Variants in DPP6 observed in about 807,000 individuals in gnomAD.
DPP6 encodes the protein dipeptidyl peptidase like 6.
Under a neutral mutation model 122.6 loss-of-function variants are expected in DPP6, and 69 were observed. The observed-to-expected ratio is 0.56, with a 90% CI of 0.46 to 0.69. The LOEUF is 0.69. Among genes scored for constraint, DPP6 ranks in the 30% least tolerant of loss-of-function variants. The pLI, the probability that DPP6 is intolerant of heterozygous loss-of-function variation, is 0.00. For missense variants in DPP6, 928 were observed against 1,116.9 expected (o/e 0.83, Z 2.41); for synonymous variants, 418 against 433.1 (o/e 0.97, Z 0.43).
the DPP6 span, among the ~76,000 whole-genome samples, chr7:153,857,859 T>C: frequency 6.6e-6 from 1 of 152,338 alleles, no homozygotes; most frequent in Admixed American, 6.5e-5. Context: ...TGTGATTATT[T>C]GGATATGATC....
rs540004250 is a variant in DPP6 at position 154,445,776 on chromosome 7, G to A, written c.244-438G>A. Among the ~76,000 whole-genome samples the A allele has an allele frequency of 5.6e-4, 24 of 42,498 alleles. No individual in the cohort carries two copies. The East Asian group carries it at 0.024, about 42-fold the overall frequency. The allele number at this position is 42,498 out of a possible 152,430, so 27.9% of individuals were successfully genotyped here. A position where few individuals can be genotyped will look rare whatever the true frequency, so the allele number is the denominator to read the frequency against. On this transcript the variant is annotated intron_variant, in intron 1 of 25. Transcript: ENST00000377770. ...TGAAATAGAAGTTGATCACATGGATGTAAAAAAAAAAAAAGGGAATGATGA... is the reference window on the plus strand; with the variant it reads ...TGAAATAGAAGTTGATCACATGGATATAAAAAAAAAAAAAGGGAATGATGA...
intron 1 of DPP6, among the ~76,000 whole-genome samples, chr7:153,939,677 G>A (rs1274774685): frequency 6.6e-6 from 1 of 152,324 alleles, no homozygotes; most frequent in Non-Finnish European, 1.5e-5. Flanking sequence ...ATAAGAAGGT[G>A]AATAAGACAG....
intron 1 of DPP6, among the ~76,000 whole-genome samples, chr7:154,113,412 T>TAC (rs60229672): frequency 2.9e-4 from 41 of 141,428 alleles, no homozygotes; most frequent in Admixed American, 1.0e-3. Context: ...TATATATATA[T>TAC]ACACACACAC....
rs1814463238 is a variant in DPP6, at chr7:154,389,918, G to A, written c.244-56296G>A. Among the ~76,000 whole-genome samples the A allele has an allele frequency of 2.6e-5, 4 of 152,226 alleles. No individual in the cohort carries two copies. In the South Asian group the frequency reaches 8.3e-4, roughly 32 times the overall value. Reference sequence around the variant, plus strand: ...TTTCTAGTCAGTGACATTATAAGCAGCCTTGTAAGAATAGCTGTTACTACA... The same window carrying A: ...TTTCTAGTCAGTGACATTATAAGCAACCTTGTAAGAATAGCTGTTACTACA... On this transcript the variant is annotated intron_variant, in intron 1 of 25. Transcript: ENST00000377770.
intron 4 of DPP6, among the ~76,000 whole-genome samples, chr7:154,560,483 C>T (rs1830350725): frequency 6.6e-6 from 1 of 152,164 alleles, no homozygotes; most frequent in South Asian, 2.1e-4. Context: ...TGCCTACAAG[C>T]TCCCCTTAAT....
intron 1 of DPP6, among the ~76,000 whole-genome samples, chr7:154,017,727 T>G (rs78254469): frequency 0.13 from 13,984 of 109,332 alleles, 832 homozygotes; most frequent in East Asian, 0.23. Context: ...AATAAAAAAA[T>G]AAAAAAAAAA....
intron 6 of DPP6, 101 bp from the exon 7 acceptor site, chr7:154,669,256 AAGG>A (rs1271204436): frequency 6.6e-7 from 1 of 1,511,176 alleles, no homozygotes; most frequent in Non-Finnish European, 9.0e-7. Flanking sequence ...GATACCATGG[AAGG>A]AGAAAGGAGT....
rs74629542 is a variant in DPP6 at position 154,540,373 on chromosome 7, A to G, written c.458-159A>G. Among the ~76,000 whole-genome samples the G allele has an allele frequency of 0.033, 4,961 of 152,230 alleles. 271 individuals carry two copies. The highest frequency in any genetic ancestry group is 0.11 in the African/African-American group (4,622 of 41,502). On this transcript the variant is annotated intron_variant, in intron 3 of 25. Coordinates refer to ENST00000377770, the MANE Select transcript of DPP6 (RefSeq NM_130797.4). ...AGCATCATGTGAGGCTGGATTAAGA[A>G]GAGCTGGGCATATTGCACCATATTG...
chr7:154,008,488 T>A (rs1180187275), intron 1 of DPP6, among the ~76,000 whole-genome samples: 1 of 152,236 alleles, frequency 6.6e-6, no homozygotes, highest in Non-Finnish European at 1.5e-5. Flanking sequence ...GTAGTAAATA[T>A]TGCTTAAATC....
chr7:154,578,943 G>A (rs1022227584), intron 5 of DPP6, among the ~76,000 whole-genome samples: 64 of 152,238 alleles, frequency 4.2e-4, no homozygotes, highest in Middle Eastern at 3.4e-3. Flanking sequence ...TAGAAGGAGC[G>A]TAACAGTGGC....
chr7:153,926,854 G>A (rs1277730243), intron 1 of DPP6, among the ~76,000 whole-genome samples: 2 of 151,798 alleles, frequency 1.3e-5, no homozygotes, highest in African/African-American at 4.8e-5. Flanking sequence ...TGTTTTCTGA[G>A]TATATTCTTT....
chr7:153,782,681 A>G, the DPP6 span, among the ~76,000 whole-genome samples: 1 of 152,212 alleles, frequency 6.6e-6, no homozygotes, highest in Non-Finnish European at 1.5e-5. Context: ...AAAAGTGTTA[A>G]TATCTCTCTA....
rs1489983288 is a variant in DPP6, at chr7:154,483,757, CA to C, written c.457+8722del. Reference sequence around the variant, plus strand: ...TCGCCCAGGCTGGAGTGCAGTGGCACAATCTTGGCTCACTGCAACCTCCACC... The same window carrying C: ...TCGCCCAGGCTGGAGTGCAGTGGCACATCTTGGCTCACTGCAACCTCCACC... On this transcript the variant is annotated intron_variant, in intron 3 of 25. Coordinates refer to ENST00000377770, the MANE Select transcript of DPP6 (RefSeq NM_130797.4). The surrounding 1 kb of genome is among the most constrained non-coding windows in gnomAD (Gnocchi z 8.1). Among the ~76,000 whole-genome samples, 6 of 152,180 alleles carry C rather than the reference CA, an allele frequency of 3.9e-5. No individual in the cohort carries two copies. The highest frequency in any genetic ancestry group is 7.4e-5 in the Non-Finnish European group (5 of 68,026).
intron 1 of DPP6, among the ~76,000 whole-genome samples, chr7:154,319,852 A>T (rs1015848728): frequency 7.3e-6 from 1 of 136,260 alleles, no homozygotes; most frequent in Non-Finnish European, 1.6e-5. Context: ...TTAGCTGGGC[A>T]TGGTGGTGGG....
chr7:154,384,678 C>T (rs1331470259), intron 1 of DPP6, among the ~76,000 whole-genome samples: 2 of 151,928 alleles, frequency 1.3e-5, no homozygotes, highest in East Asian at 3.9e-4. Flanking sequence ...GCTCTAGTAA[C>T]GTTCTGCAGT....
chr7:154,716,481 A>T (rs1476631348), intron 7 of DPP6, among the ~76,000 whole-genome samples: 1 of 152,152 alleles, frequency 6.6e-6, no homozygotes, highest in African/African-American at 2.4e-5. Context: ...TCCCATGCAC[A>T]CCGAATGAAT....
At chr7:154,107,966 C>T (rs953596396) in intron 1 of DPP6, among the ~76,000 whole-genome samples, 2 of 152,162 alleles carry the variant, frequency 1.3e-5, no homozygotes, top group Non-Finnish European at 2.9e-5. Flanking sequence ...CTTCAATTTT[C>T]GTTGCTTTGA....
At chr7:154,646,000 C>T (rs988012072) in intron 6 of DPP6, among the ~76,000 whole-genome samples, 21 of 119,556 alleles carry the variant, frequency 1.8e-4, no homozygotes, top group African/African-American at 6.6e-4. Context: ...TGCACTCCAG[C>T]TCGGGCGGCA....
At chr7:154,645,412 C>A (rs1004714205) in intron 6 of DPP6, among the ~76,000 whole-genome samples, 9 of 152,060 alleles carry the variant, frequency 5.9e-5, no homozygotes, top group African/African-American at 2.2e-4. Context: ...ACTCATACAT[C>A]TGCCTGTAAG....
Sources: allele counts gnomAD v4.1 joint callset (sites outside exome capture counted in the v4.1 genomes callset), GRCh38; gene constraint gnomAD v4.1.1; non-coding constraint Gnocchi (gnomAD v3.1); transcripts MANE v1.5; gene names NCBI Gene and HGNC (gene_info 2026-07-23, HGNC 2026-07-21).